Variants in CUL1 observed in about 807,000 individuals in gnomAD.
CUL1 encodes cullin 1.
Under a neutral mutation model 118.0 loss-of-function variants are expected in CUL1, and 24 were observed. That is an observed-to-expected ratio of 0.20 (90% CI 0.15 to 0.29). The LOEUF (loss-of-function observed/expected upper bound fraction) is 0.29. Ranked by LOEUF, CUL1 falls within the 10% of genes least tolerant of loss-of-function variation. CUL1 has a pLI of 1.00. For synonymous variants in CUL1, 332 were observed against 340.4 expected (o/e 0.98, Z 0.27); for missense variants, 361 against 933.8 (o/e 0.39, Z 7.99).
chr7:148,761,850 TG>T (rs1182067625), intron 7 of CUL1, among the ~76,000 whole-genome samples: 1 of 152,174 alleles, frequency 6.6e-6, no homozygotes, highest in East Asian at 1.9e-4. Context: ...AGACGGTGGC[TG>T]GGGGAAGAAG....
intron 2 of CUL1, among the ~76,000 whole-genome samples, chr7:148,745,775 T>C (rs1799293284): frequency 6.6e-6 from 1 of 151,602 alleles, no homozygotes; most frequent in African/African-American, 2.4e-5. Flanking sequence ...GAACTAACTC[T>C]AGAAACAGTT....
intron 2 of CUL1, among the ~76,000 whole-genome samples, chr7:148,740,314 C>T (rs1274971239): frequency 6.6e-6 from 1 of 152,164 alleles, no homozygotes; most frequent in African/African-American, 2.4e-5. Flanking sequence ...CTCGGCCTCC[C>T]ATAGAGCTGG....
intron 7 of CUL1, among the ~76,000 whole-genome samples, chr7:148,763,574 G>A (rs1799908220): frequency 1.3e-5 from 2 of 152,062 alleles, no homozygotes; most frequent in South Asian, 2.1e-4. Flanking sequence ...ATAATAATAG[G>A]TAATAATGAG....
intron 1 of CUL1, among the ~76,000 whole-genome samples, chr7:148,723,826 A>G (rs1798475534): frequency 6.6e-6 from 1 of 151,816 alleles, no homozygotes; most frequent in Non-Finnish European, 1.5e-5. Flanking sequence ...TGTTCCTTGA[A>G]ATACTGGAGT....
At chr7:148,788,481 G>C (rs1800894266) in intron 13 of CUL1, 76 bp from the exon 14 acceptor site, 1 of 920,260 alleles carries the variant, frequency 1.1e-6, no homozygotes, top group African/African-American at 1.6e-5. Flanking sequence ...TGTATACTCT[G>C]ATTTCTCTAA....
chr7:148,721,493 G>A (rs1170679461), intron 1 of CUL1, among the ~76,000 whole-genome samples: 1 of 151,666 alleles, frequency 6.6e-6, no homozygotes, highest in Non-Finnish European at 1.5e-5. Context: ...TAAATCCCAG[G>A]CATCATATCA....
chr7:148,711,189 T>C (rs1798039111), intron 1 of CUL1, among the ~76,000 whole-genome samples: 1 of 152,248 alleles, frequency 6.6e-6, no homozygotes, highest in Non-Finnish European at 1.5e-5. Flanking sequence ...TGTGCATATA[T>C]GTTTCTCCTC....
At chr7:148,749,929 G>A (rs562726715) in intron 2 of CUL1, among the ~76,000 whole-genome samples, 9 of 152,306 alleles carry the variant, frequency 5.9e-5, no homozygotes, top group East Asian at 3.9e-4. Flanking sequence ...ATAAGAAAGC[G>A]AAACAGCCAT....
At chr7:148,709,372 G>A (rs146892469) in intron 1 of CUL1, among the ~76,000 whole-genome samples, 1 of 152,250 alleles carries the variant, frequency 6.6e-6, no homozygotes, top group East Asian at 1.9e-4. Context: ...CAGTTTTGAT[G>A]TGTACATTTT....
intron 1 of CUL1, among the ~76,000 whole-genome samples, chr7:148,717,214 G>A (rs1166046571): frequency 2.0e-5 from 3 of 151,892 alleles, no homozygotes; most frequent in Non-Finnish European, 2.9e-5. Context: ...CTGCCACCAC[G>A]CCCGGCTAAT....
At chr7:148,762,870 G>T (rs1799878286) in intron 7 of CUL1, among the ~76,000 whole-genome samples, 1 of 152,226 alleles carries the variant, frequency 6.6e-6, no homozygotes, top group Admixed American at 6.5e-5. Flanking sequence ...GCCTAGGCCG[G>T]GCGCGGTGGC....
chr7:148,697,906 A>G (rs546131921), upstream of CUL1: 7 of 152,406 alleles, frequency 4.6e-5, no homozygotes, highest in Non-Finnish European at 1.0e-4. Flanking sequence ...AGTACACGTG[A>G]AAACAATACT....
rs781190873 is a variant in CUL1 at position 148,788,546 on chromosome 7, G to C, written c.1480-11G>C. Reference sequence around the variant, plus strand: ...ACAAATTAATAAGACAGTCATCTGGGTTCTTCTCAGCAAGCTTGCGGGTTC... The same window carrying C: ...ACAAATTAATAAGACAGTCATCTGGCTTCTTCTCAGCAAGCTTGCGGGTTC... On this transcript the variant is annotated splice_polypyrimidine_tract_variant and intron_variant, in intron 13 of 21. Coordinates refer to ENST00000325222, the MANE Select transcript of CUL1 (RefSeq NM_003592.3). 46 of 1,578,930 alleles carry C rather than the reference G, an allele frequency of 2.9e-5. No homozygotes were observed. Among genetic ancestry groups the C allele is most frequent in the Non-Finnish European group, 3.7e-5 (43 of 1,150,432 alleles).
At chr7:148,752,793 C>T (rs1332871775) in intron 2 of CUL1, among the ~76,000 whole-genome samples, 4 of 152,120 alleles carry the variant, frequency 2.6e-5, no homozygotes, top group East Asian at 3.9e-4. Context: ...GGACTACAGG[C>T]GCCTGCCACC....
At chr7:148,773,110 A>G (rs1800272098) in intron 9 of CUL1, among the ~76,000 whole-genome samples, 1 of 152,054 alleles carries the variant, frequency 6.6e-6, no homozygotes, top group South Asian at 2.1e-4. Flanking sequence ...CAGAAATACC[A>G]CTTAATACAT....
chr7:148,769,012 A>G (rs1481304137), intron 9 of CUL1, among the ~76,000 whole-genome samples: 1 of 152,076 alleles, frequency 6.6e-6, no homozygotes, highest in Non-Finnish European at 1.5e-5. Flanking sequence ...GGTTTTAGTA[A>G]AAACTTAAGT....
intron 20 of CUL1, 83 bp downstream of exon 20, chr7:148,798,760 G>T: frequency 1.7e-6 from 2 of 1,144,638 alleles, no homozygotes; most frequent in South Asian, 1.2e-5. Context: ...GGGGTAGGCG[G>T]GGGTGACAAA....
Position 148,732,578 on chromosome 7 carries a change from A to G in CUL1, c.140+2316A>G, listed in dbSNP as rs573772683. Among the ~76,000 whole-genome samples the G allele has an allele frequency of 2.6e-5, 4 of 151,280 alleles. 1 individual carries two copies. In the South Asian group the frequency reaches 8.4e-4, roughly 32 times the overall value. Reference sequence around the variant, plus strand: ...TGGTCTCAAACTTCTGGGCTCAAGCATTCCGCCTGGCTTGGCCTTCCAAAG... The same window carrying G: ...TGGTCTCAAACTTCTGGGCTCAAGCGTTCCGCCTGGCTTGGCCTTCCAAAG... On this transcript the variant is annotated intron_variant, in intron 2 of 21. Transcript: ENST00000325222.
intron 13 of CUL1, 36 bp from the exon 14 acceptor site, chr7:148,788,521 A>G (rs1408449269): frequency 3.0e-6 from 4 of 1,340,558 alleles, no homozygotes; most frequent in Non-Finnish European, 4.3e-6. Flanking sequence ...GTATTTTTGT[A>G]CAAATTAATA....
Sources: gnomAD v4.1 joint callset for allele counts (sites outside exome capture counted in the v4.1 genomes callset) on GRCh38, gnomAD v4.1.1 for gene constraint, MANE v1.5 for transcripts, NCBI Gene and HGNC (gene_info 2026-07-23, HGNC 2026-07-21) for gene names.